CWF19L2: variants seen among roughly 807,000 people sequenced by gnomAD.
CWF19L2 encodes the protein CWF19-like protein 2.
In CWF19L2, 98 loss-of-function variants were observed where a neutral mutation model predicts 111.7. That is an observed-to-expected ratio of 0.88 (90% CI 0.75 to 1.04). CWF19L2 has a LOEUF of 1.04. CWF19L2 is among the 50% of genes least tolerant of loss of function. The pLI is 0.00. For missense variants in CWF19L2, 1,101 were observed against 1,051.4 expected, an observed-to-expected ratio of 1.05 and a Z score of -0.65; for synonymous variants, 351 against 342.9, an observed-to-expected ratio of 1.02 and a Z score of -0.26.
intron 11 of CWF19L2, among the ~76,000 whole-genome samples, chr11:107,392,305 A>G (rs977615459): frequency 2.0e-5 from 3 of 152,218 alleles, no homozygotes; most frequent in African/African-American, 4.8e-5. Context: ...GCCTCAAGGT[A>G]GTGCTAAAAA....
At chr11:107,439,630 G>C (rs886608852) in intron 5 of CWF19L2, among the ~76,000 whole-genome samples, 1 of 152,110 alleles carries the variant, frequency 6.6e-6, no homozygotes, top group African/African-American at 2.4e-5. Flanking sequence ...TTCTTTTTTT[G>C]TAGGGTAGGG....
At position 107,457,775 on chromosome 11, in the gene CWF19L2, A is replaced by C. The variant is rs911347977; in HGVS notation, c.42T>G (p.Ser14Arg). The C allele has an allele frequency of 1.3e-6, 2 of 1,551,648 alleles. No individual in the cohort carries two copies. The highest frequency in any genetic ancestry group is 2.0e-5 in the Admixed American group (1 of 50,986). ...SMAAASGRFE[S>R]AKSIEERKEQ... ...CTTTCCGCTCTTCGATACTCTTCGC[A>C]CTTTCAAATCTACCACTAGCAGCCG... Residue 14 changes from serine (S) to arginine (R), a missense_variant, in exon 1 of 18, where the codon AGT (serine) becomes AGG (arginine). Ser to Arg is a moderately radical substitution (Grantham distance 110, BLOSUM62 -1). Coordinates refer to ENST00000282251, the MANE Select transcript of CWF19L2 (RefSeq NM_152434.3).
intron 9 of CWF19L2, among the ~76,000 whole-genome samples, chr11:107,417,978 T>G (rs998549963): frequency 2.2e-4 from 34 of 152,202 alleles, no homozygotes; most frequent in African/African-American, 8.0e-4. Context: ...CAGGCTGGTC[T>G]CGAACTCCTG....
At chr11:107,401,640 G>A (rs1458767218) in intron 10 of CWF19L2, among the ~76,000 whole-genome samples, 2 of 152,034 alleles carry the variant, frequency 1.3e-5, no homozygotes, top group South Asian at 2.1e-4. Flanking sequence ...TCAATATTGT[G>A]AAAATGACCA....
chr11:107,329,875 C>A, intron 17 of CWF19L2, 43 bp downstream of exon 17: 1 of 1,415,298 alleles, frequency 7.1e-7, no homozygotes, highest in Middle Eastern at 1.8e-4. Context: ...AAAAATGTTA[C>A]CAAATTGCTA....
chr11:107,438,968 G>A, intron 6 of CWF19L2, 122 bp downstream of exon 6: 2 of 556,684 alleles, frequency 3.6e-6, no homozygotes, highest in East Asian at 6.4e-5. Flanking sequence ...TGAGGGGGAG[G>A]TGGAGGCTGC....
At chr11:107,445,076 A>T (rs1351743904) in intron 3 of CWF19L2, among the ~76,000 whole-genome samples, 2 of 152,162 alleles carry the variant, frequency 1.3e-5, no homozygotes, top group Non-Finnish European at 2.9e-5. Context: ...ATCAGCAAAA[A>T]TTTTTTAAAA....
chr11:107,410,231 C>T (rs781184945), intron 10 of CWF19L2, among the ~76,000 whole-genome samples: 15 of 151,972 alleles, frequency 9.9e-5, no homozygotes, highest in Admixed American at 5.3e-4. Context: ...TCCTCTAGAA[C>T]GTCATCAAAT....
chr11:107,450,593 C>T (rs1318067795), intron 3 of CWF19L2, among the ~76,000 whole-genome samples: 7 of 151,184 alleles, frequency 4.6e-5, no homozygotes, highest in Non-Finnish European at 7.4e-5. Context: ...AATTGATAGG[C>T]GAGATAAAAA....
chr11:107,447,976 T>C (rs1047586558), intron 3 of CWF19L2, among the ~76,000 whole-genome samples: 2 of 151,104 alleles, frequency 1.3e-5, no homozygotes, highest in Non-Finnish European at 3.0e-5. Context: ...AAACATCTAA[T>C]GATAAAAAAA....
chr11:107,361,599 G>A (rs1301269287), intron 12 of CWF19L2, among the ~76,000 whole-genome samples: 1 of 152,154 alleles, frequency 6.6e-6, no homozygotes, highest in African/African-American at 2.4e-5. Context: ...AAGTCTTCTG[G>A]TCCATGAGAA....
At chr11:107,330,649 C>CAA (rs1184877549) in intron 16 of CWF19L2, among the ~76,000 whole-genome samples, 3 of 39,386 alleles carry the variant, frequency 7.6e-5, no homozygotes, top group African/African-American at 3.1e-4. Flanking sequence ...CCCCACCACA[C>CAA]ACACACACAC....
chr11:107,432,965 T>G (rs940404439), intron 7 of CWF19L2, among the ~76,000 whole-genome samples: 3 of 152,064 alleles, frequency 2.0e-5, no homozygotes, highest in African/African-American at 7.2e-5. Flanking sequence ...TTAAAAAAAT[T>G]AACAGGTCAT....
At chr11:107,362,842 A>G (rs976827498) in intron 12 of CWF19L2, among the ~76,000 whole-genome samples, 3 of 151,980 alleles carry the variant, frequency 2.0e-5, no homozygotes, top group Admixed American at 6.6e-5. Context: ...TGACGAGCTG[A>G]GAGAAGAAGG....
chr11:107,404,080 C>T (rs949230992), intron 10 of CWF19L2: 3 of 771,862 alleles, frequency 3.9e-6, no homozygotes, highest in Non-Finnish European at 7.2e-6. Flanking sequence ...GAGCTGAATG[C>T]TCATATATGG....
chr11:107,420,110 A>G (rs1861282990), intron 8 of CWF19L2, among the ~76,000 whole-genome samples: 1 of 152,094 alleles, frequency 6.6e-6, no homozygotes, highest in Non-Finnish European at 1.5e-5. Context: ...GAAAAAGAGG[A>G]CAAAGTGAAA....
At chr11:107,347,363 G>A (rs1860094912) in intron 14 of CWF19L2, among the ~76,000 whole-genome samples, 1 of 151,978 alleles carries the variant, frequency 6.6e-6, no homozygotes, top group Non-Finnish European at 1.5e-5. Context: ...AATAAAAGAG[G>A]TGAATAATCA....
chr11:107,399,666 G>T (rs201312994), intron 10 of CWF19L2, among the ~76,000 whole-genome samples: 2 of 152,140 alleles, frequency 1.3e-5, no homozygotes, highest in East Asian at 3.8e-4. Flanking sequence ...CATCAAGACA[G>T]AAAGTCAACA....
intron 3 of CWF19L2, among the ~76,000 whole-genome samples, chr11:107,451,951 G>C (rs1473259747): frequency 6.6e-6 from 1 of 152,140 alleles, no homozygotes; most frequent in Admixed American, 6.5e-5. Context: ...AGGCATACAT[G>C]AAAGTCCCAC....
Sources: gnomAD v4.1 joint callset for allele counts (sites outside exome capture counted in the v4.1 genomes callset) on GRCh38, gnomAD v4.1.1 for gene constraint, MANE v1.5 for transcripts, NCBI Gene and HGNC (gene_info 2026-07-23, HGNC 2026-07-21) for gene names.